Variants in LMO7 observed in about 807,000 individuals in gnomAD.
LMO7 encodes LIM domain 7.
LMO7 carries 120 observed loss-of-function variants against 206.5 expected under a neutral mutation model. The observed-to-expected ratio is 0.58, with a 90% CI of 0.50 to 0.68. The LOEUF is 0.68. LMO7 is among the 30% of genes least tolerant of loss of function. The pLI, the probability that LMO7 is intolerant of heterozygous loss-of-function variation, is 0.00. For synonymous variants in LMO7, 706 were observed against 681.5 expected (o/e 1.04, Z -0.56); for missense variants, 1,959 against 1,957.9 (o/e 1.00, Z -0.01).
Position 75,805,627 on chromosome 13 carries a change from A to C in LMO7, c.1063A>C (p.Ser355Arg), listed in dbSNP as rs779802011. 4.7e-5 allele frequency: 76 copies of C among 1,613,988 alleles called. No individual in the cohort carries two copies. Among genetic ancestry groups the C allele is most frequent in the Non-Finnish European group, 6.0e-5 (71 of 1,179,916 alleles). The change falls in exon 9 of 31, where the codon AGT (serine) becomes CGT (arginine). Residue 355 changes from serine (S) to arginine (R), a missense_variant. By Grantham distance (110) the Ser-to-Arg change is moderately radical (BLOSUM62 -1). Transcript: ENST00000377534. ...GGATGATCTTTATGTGCGCAAGCTCAGTCCAGTCATGCCAAACCCAGGGAA... is the reference window on the plus strand; with the variant it reads ...GGATGATCTTTATGTGCGCAAGCTCCGTCCAGTCATGCCAAACCCAGGGAA... Reference protein sequence around the residue: ...VKDDLYVRKLSPVMPNPGNAF... With the variant: ...VKDDLYVRKLRPVMPNPGNAF...
intron 3 of LMO7, among the ~76,000 whole-genome samples, chr13:75,734,104 C>G (rs2045564526): frequency 6.6e-6 from 1 of 152,190 alleles, no homozygotes; most frequent in Non-Finnish European, 1.5e-5. Flanking sequence ...TGAGGTTGCA[C>G]AAGTCTCTGT....
At chr13:75,774,444 A>T (rs1294532819) in intron 4 of LMO7, among the ~76,000 whole-genome samples, 1 of 152,098 alleles carries the variant, frequency 6.6e-6, no homozygotes, top group Non-Finnish European at 1.5e-5. Context: ...CAGTTGATGG[A>T]CATTTGTGTA....
rs768267457 is a variant in LMO7, at chr13:75,680,838, G to A, written c.70-32344G>A. 7.2e-5 allele frequency among the ~76,000 whole-genome samples: 11 copies of A among 152,004 alleles called. No individual in the cohort carries two copies. In the South Asian group the frequency reaches 1.5e-3, roughly 20 times the overall value. ...ATACGGTGTTAGGTTTTCTGTTCTCGTCATAGTCTTTACTTTTTAATAATT... is the reference window on the plus strand; with the variant it reads ...ATACGGTGTTAGGTTTTCTGTTCTCATCATAGTCTTTACTTTTTAATAATT... On this transcript the variant is annotated intron_variant, in intron 1 of 30. Transcript: ENST00000377534.
intron 1 of LMO7, among the ~76,000 whole-genome samples, chr13:75,640,274 A>T (rs941402542): frequency 6.6e-6 from 1 of 152,140 alleles, no homozygotes; most frequent in Non-Finnish European, 1.5e-5. Flanking sequence ...CTGCTATTTA[A>T]ATCCTGTAGG....
At chr13:75,796,854 G>A (rs2054083338) in intron 6 of LMO7, 105 bp downstream of exon 6, 1 of 716,250 alleles carries the variant, frequency 1.4e-6, no homozygotes, top group Admixed American at 2.4e-5. Flanking sequence ...AACAAATATG[G>A]CAACTCCGAC....
At chr13:75,727,650 G>A (rs930055234) in intron 3 of LMO7, among the ~76,000 whole-genome samples, 8 of 151,662 alleles carry the variant, frequency 5.3e-5, no homozygotes. Flanking sequence ...TATACTTTAA[G>A]TTTTAGGGTA....
intron 12 of LMO7, among the ~76,000 whole-genome samples, chr13:75,817,727 T>G (rs1420972125): frequency 6.6e-6 from 1 of 152,018 alleles, no homozygotes. Flanking sequence ...TAAGGAGAAT[T>G]GGGGAGAAAT....
At chr13:75,794,632 C>T (rs977919341) in intron 4 of LMO7, among the ~76,000 whole-genome samples, 3 of 152,140 alleles carry the variant, frequency 2.0e-5, no homozygotes, top group Non-Finnish European at 4.4e-5. Context: ...GAATTCACAC[C>T]GATCCTGCTT....
intron 15 of LMO7, among the ~76,000 whole-genome samples, chr13:75,830,225 T>G (rs554480676): frequency 5.3e-5 from 8 of 152,250 alleles, no homozygotes; most frequent in Non-Finnish European, 1.2e-4. Flanking sequence ...TTGCAAGAAG[T>G]TTCAGGAATA....
At chr13:75,832,499 C>T (rs1233284732) in intron 15 of LMO7, among the ~76,000 whole-genome samples, 2 of 152,136 alleles carry the variant, frequency 1.3e-5, no homozygotes, top group Admixed American at 1.3e-4. Flanking sequence ...GCTAAATCTT[C>T]ATGTGGCATT....
In LMO7 at chr13:75,859,812, T is replaced by C. The variant is rs2061161461; in HGVS notation, c.*1869T>C. The stretch of plus-strand genomic sequence containing the variant: ...TGCCTTGTTCTCTGCCTGATGTGTA[T>C]GCAGAGGCAGCCCTCAATATGCAGT... On this transcript the variant is annotated 3_prime_UTR_variant, in exon 31 of 31. Transcript: ENST00000377534. 3 of 152,224 alleles carry C rather than the reference T, an allele frequency of 2.0e-5. No homozygotes were observed. The highest frequency in any genetic ancestry group is 7.2e-5 in the African/African-American group (3 of 41,458). The allele number at this position is 152,224 out of a possible 1,614,324, so 9.4% of individuals were successfully genotyped here.
intron 4 of LMO7, among the ~76,000 whole-genome samples, chr13:75,779,908 G>A (rs1029126329): frequency 1.5e-4 from 23 of 152,214 alleles, no homozygotes; most frequent in Non-Finnish European, 3.4e-4. Flanking sequence ...GAGTACAAAA[G>A]AGATAAATTT....
intron 2 of LMO7, among the ~76,000 whole-genome samples, chr13:75,624,055 G>C (rs115111588): frequency 0.014 from 2,093 of 152,270 alleles, 66 homozygotes; most frequent in African/African-American, 0.048. Flanking sequence ...TGTACCTCCA[G>C]CCATCTCTGC....
chr13:75,735,668 G>T (rs1026544128), intron 3 of LMO7, among the ~76,000 whole-genome samples: 2 of 151,084 alleles, frequency 1.3e-5, no homozygotes, highest in African/African-American at 4.9e-5. Context: ...TAGAGACAGG[G>T]TTTCACCACG....
chr13:75,830,835 G>A (rs1196847827), intron 15 of LMO7, among the ~76,000 whole-genome samples: 1 of 152,120 alleles, frequency 6.6e-6, no homozygotes, highest in Non-Finnish European at 1.5e-5. Flanking sequence ...CACAAAATAT[G>A]CTTTATGTAG....
At chr13:75,783,141 C>T (rs2051808540) in intron 4 of LMO7, among the ~76,000 whole-genome samples, 1 of 152,080 alleles carries the variant, frequency 6.6e-6, no homozygotes, top group Admixed American at 6.6e-5. Flanking sequence ...ATATTTTATG[C>T]ACAGATGTAT....
intron 15 of LMO7, among the ~76,000 whole-genome samples, chr13:75,832,838 G>T (rs1051751691): frequency 1.3e-5 from 2 of 152,106 alleles, no homozygotes; most frequent in Non-Finnish European, 2.9e-5. Flanking sequence ...ATGACAATAA[G>T]ATTTCCCTTA....
chr13:75,806,029 T>G, intron 9 of LMO7: 1 of 1,183,176 alleles, frequency 8.5e-7, no homozygotes, highest in Non-Finnish European at 1.1e-6. Context: ...TCATTCCCTC[T>G]TCCCTTCTTT....
At chr13:75,730,963 T>A (rs1345036411) in intron 3 of LMO7, among the ~76,000 whole-genome samples, 10 of 151,174 alleles carry the variant, frequency 6.6e-5, no homozygotes, top group African/African-American at 1.7e-4. Flanking sequence ...TAATCCTGAG[T>A]TCTAGTTTGA....
Sources: allele counts gnomAD v4.1 joint callset (sites outside exome capture counted in the v4.1 genomes callset), GRCh38; gene constraint gnomAD v4.1.1; transcripts MANE v1.5; gene names NCBI Gene and HGNC (gene_info 2026-07-23, HGNC 2026-07-21).